PCDHGA12: variants seen among roughly 807,000 people sequenced by gnomAD.
PCDHGA12 encodes protocadherin gamma subfamily A, 12.
PCDHGA12 carries 43 observed loss-of-function variants against 61.1 expected under a neutral mutation model. That is an observed-to-expected ratio of 0.70 (90% CI 0.55 to 0.91). The LOEUF (loss-of-function observed/expected upper bound fraction) is 0.91, where lower values mean the gene tolerates loss of function less well. Ranked by LOEUF, PCDHGA12 falls within the 40% of genes least tolerant of loss-of-function variation. The pLI, the probability that PCDHGA12 is intolerant of heterozygous loss-of-function variation, is 0.00. For synonymous variants in PCDHGA12, 520 were observed against 542.9 expected (o/e 0.96, Z 0.59); for missense variants, 1,236 against 1,227.7 (o/e 1.01, Z -0.10).
chr5:141,459,444 T>C (rs1485634547), intron 1 of PCDHGA12, among the ~76,000 whole-genome samples: 1 of 152,244 alleles, frequency 6.6e-6, no homozygotes, highest in Non-Finnish European at 1.5e-5. Context: ...TTCATTCAAC[T>C]GTTGGTGGAC....
In PCDHGA12 at chr5:141,485,179, C is replaced by G. The variant is rs1405000217; in HGVS notation, c.2425-9628C>G. The G allele has an allele frequency of 1.2e-6, 2 of 1,612,648 alleles. No homozygotes were observed. Among genetic ancestry groups the G allele is most frequent in the African/African-American group, 2.7e-5 (2 of 74,924 alleles). ...AGAATTAGCGGGCGGCAGCAATGCT[C>G]CGCAAGGTGAGAAGCTGGACAGAAA... is the stretch of plus-strand genomic sequence containing the variant. On this transcript the variant is annotated intron_variant, in intron 1 of 3. Transcript: ENST00000252085. This position sits in a 1 kb window ranked among gnomAD's most constrained non-coding sequence, Gnocchi z 5.7.
chr5:141,438,901 G>A (rs1039951275), intron 1 of PCDHGA12, among the ~76,000 whole-genome samples: 2 of 151,746 alleles, frequency 1.3e-5, no homozygotes, highest in African/African-American at 2.4e-5. Flanking sequence ...CCTGACCTCA[G>A]GTGATCCACC....
chr5:141,443,974 G>A (rs775899117), intron 1 of PCDHGA12, among the ~76,000 whole-genome samples: 5 of 152,066 alleles, frequency 3.3e-5, no homozygotes, highest in Non-Finnish European at 7.4e-5. Context: ...GTCCATCTAA[G>A]CTATGTTAAT....
At position 141,476,744 on chromosome 5, in the gene PCDHGA12, CT is replaced by C; in HGVS notation, c.2425-18062del. ...CCTGGACCGAGAACGGGAGCCTAGT[CT>C]CCAGTTAGTGCTGACGGCGTTGGAC... is the stretch of plus-strand genomic sequence containing the variant. On this transcript the variant is annotated intron_variant, in intron 1 of 3. Coordinates refer to ENST00000252085, the MANE Select transcript of PCDHGA12 (RefSeq NM_003735.3). The surrounding 1 kb of genome is among the most constrained non-coding windows in gnomAD (Gnocchi z 7.6). 6.2e-7 allele frequency: 1 copy of C among 1,614,046 alleles called. No homozygotes were observed. Among genetic ancestry groups the C allele is most frequent in the East Asian group, 2.2e-5 (1 of 44,884 alleles).
chr5:141,472,998 G>GAA (rs2099311030), intron 1 of PCDHGA12, among the ~76,000 whole-genome samples: 1 of 134,744 alleles, frequency 7.4e-6, no homozygotes, highest in Non-Finnish European at 1.6e-5. Flanking sequence ...AAAAAAAAAA[G>GAA]AAAGAAAAAG....
intron 1 of PCDHGA12, among the ~76,000 whole-genome samples, chr5:141,455,423 CA>C (rs2098822271): frequency 6.6e-6 from 1 of 152,040 alleles, no homozygotes; most frequent in Non-Finnish European, 1.5e-5. Flanking sequence ...AGCGGGGCTC[CA>C]AAAGAGGAGG....
At chr5:141,435,719 C>T (rs890713374) in intron 1 of PCDHGA12, among the ~76,000 whole-genome samples, 6 of 152,156 alleles carry the variant, frequency 3.9e-5, no homozygotes, top group Admixed American at 3.3e-4. Context: ...ACACTGAATG[C>T]TAAAGTGTAT....
chr5:141,485,229 T>G lies in PCDHGA12; in HGVS notation c.2425-9578T>G, dbSNP rs2099609870. ...ATCTGGCGGTGGGCTACCCTTTTGT[T>G]CCTCTTTTACCACCTGGGTTACGTT... is the stretch of plus-strand genomic sequence containing the variant. On this transcript the variant is annotated intron_variant, in intron 1 of 3. Coordinates refer to ENST00000252085, the MANE Select transcript of PCDHGA12 (RefSeq NM_003735.3). The surrounding 1 kb of genome is among the most constrained non-coding windows in gnomAD (Gnocchi z 5.7). 6.2e-7 allele frequency: 1 copy of G among 1,614,042 alleles called. No individual in the cohort carries two copies. The highest frequency in any genetic ancestry group is 8.5e-7 in the Non-Finnish European group (1 of 1,180,030).
intron 1 of PCDHGA12, among the ~76,000 whole-genome samples, chr5:141,447,978 C>T (rs759162070): frequency 1.1e-4 from 17 of 151,694 alleles, no homozygotes; most frequent in East Asian, 3.9e-4. Flanking sequence ...CCCAGCTACT[C>T]GGGAGGCTGA....
Position 141,490,942 on chromosome 5 carries a change from C to T in PCDHGA12, c.2425-3865C>T, listed in dbSNP as rs371286343. On this transcript the variant is annotated intron_variant, in intron 1 of 3. Coordinates refer to ENST00000252085, the MANE Select transcript of PCDHGA12 (RefSeq NM_003735.3). This position sits in a 1 kb window ranked among gnomAD's most constrained non-coding sequence, Gnocchi z 5.4. ...TAATGCCCCAGCTGTGCTGCACCCA[C>T]GGCCAGACTGGGAACACTCAGCCCC... 8.7e-5 allele frequency: 141 copies of T among 1,613,526 alleles called. No individual in the cohort carries two copies. Among genetic ancestry groups the T allele is most frequent in the Non-Finnish European group, 1.1e-4 (126 of 1,179,768 alleles).
intron 1 of PCDHGA12, chr5:141,478,354 C>G (rs141625672): frequency 2.8e-5 from 45 of 1,613,660 alleles, no homozygotes; most frequent in Non-Finnish European, 3.2e-5. Flanking sequence ...ACGCGGACGC[C>G]GTGCGGGGAG....
At chr5:141,438,630 A>ATG (rs2098034686) in intron 1 of PCDHGA12, among the ~76,000 whole-genome samples, 1 of 38,920 alleles carries the variant, frequency 2.6e-5, no homozygotes, top group Non-Finnish European at 4.2e-5. Flanking sequence ...ATATATATAT[A>ATG]TATATACACA....
At position 141,476,193 on chromosome 5, in the gene PCDHGA12, T is replaced by C. The variant is rs1224461188; in HGVS notation, c.2425-18614T>C. On this transcript the variant is annotated intron_variant, in intron 1 of 3. Coordinates refer to ENST00000252085, the MANE Select transcript of PCDHGA12 (RefSeq NM_003735.3). The surrounding 1 kb of genome is among the most constrained non-coding windows in gnomAD (Gnocchi z 7.6). The stretch of plus-strand genomic sequence containing the variant: ...GGAGTTTTGCTTCTGCTTGGTGCCT[T>C]GAACAAGGCTTCCACGGTCATTCAC... The C allele has an allele frequency of 6.2e-7, 1 of 1,613,812 alleles. No homozygotes were observed. Among genetic ancestry groups the C allele is most frequent in the South Asian group, 1.1e-5 (1 of 91,068 alleles).
In PCDHGA12 at chr5:141,489,662, G is replaced by C; in HGVS notation, c.2425-5145G>C. 8.1e-6 allele frequency: 13 copies of C among 1,614,144 alleles called. No individual in the cohort carries two copies. The highest frequency in any genetic ancestry group is 1.1e-5 in the Non-Finnish European group (13 of 1,180,010). On this transcript the variant is annotated intron_variant, in intron 1 of 3. Coordinates refer to ENST00000252085, the MANE Select transcript of PCDHGA12 (RefSeq NM_003735.3). This position sits in a 1 kb window ranked among gnomAD's most constrained non-coding sequence, Gnocchi z 4.5. The stretch of plus-strand genomic sequence containing the variant: ...TTTGCCACCCCTGAGCGAGAGATGC[G>C]CATCTCAGAATCAGCAGCATCTGGG...
chr5:141,467,476 G>C (rs114088806), intron 1 of PCDHGA12, among the ~76,000 whole-genome samples: 1,866 of 152,156 alleles, frequency 0.012, 41 homozygotes, highest in African/African-American at 0.043. Flanking sequence ...CATGGTTTTT[G>C]GTTTCCACAT....
Position 141,490,911 on chromosome 5 carries a change from G to C in PCDHGA12, c.2425-3896G>C. On this transcript the variant is annotated intron_variant, in intron 1 of 3. Coordinates refer to ENST00000252085, the MANE Select transcript of PCDHGA12 (RefSeq NM_003735.3). The surrounding 1 kb of genome is among the most constrained non-coding windows in gnomAD (Gnocchi z 5.4). ...CTCTGCATGTGTTTGTCCTAGACGA[G>C]AATGATAATGCCCCAGCTGTGCTGC... is the stretch of plus-strand genomic sequence containing the variant. The C allele has an allele frequency of 6.2e-7, 1 of 1,613,722 alleles. No homozygotes were observed. Among genetic ancestry groups the C allele is most frequent in the East Asian group, 2.2e-5 (1 of 44,870 alleles).
At chr5:141,508,682 C>G (rs2099870913) in intron 3 of PCDHGA12, among the ~76,000 whole-genome samples, 1 of 152,080 alleles carries the variant, frequency 6.6e-6, no homozygotes, top group Non-Finnish European at 1.5e-5. Context: ...TCCCTTCTCC[C>G]TGCTTCTCCG....
At chr5:141,478,412 TC>T in intron 1 of PCDHGA12, 2 of 1,611,958 alleles carry the variant, frequency 1.2e-6, no homozygotes, top group Non-Finnish European at 1.7e-6. Flanking sequence ...CACCACGGAC[TC>T]CCGCCGCAGC....
chr5:141,436,337 A>G (rs1450981655), intron 1 of PCDHGA12, among the ~76,000 whole-genome samples: 1 of 152,178 alleles, frequency 6.6e-6, no homozygotes, highest in Non-Finnish European at 1.5e-5. Flanking sequence ...CATATCTCAA[A>G]TATCAGTGAC....
Sources: gnomAD v4.1 joint callset for allele counts (sites outside exome capture counted in the v4.1 genomes callset) on GRCh38, gnomAD v4.1.1 for gene constraint, Gnocchi (gnomAD v3.1) non-coding constraint, MANE v1.5 for transcripts, NCBI Gene and HGNC (gene_info 2026-07-23, HGNC 2026-07-21) for gene names.